The following ANK2 variants were observed in gnomAD, a reference collection of about 807,000 sequenced individuals.
ANK2 encodes the protein ankyrin 2.
A neutral mutation model predicts 360.5 loss-of-function variants in ANK2; 83 were observed. The ratio of observed to expected loss-of-function variants is 0.23; its 90% confidence interval spans 0.19 to 0.28. The LOEUF (loss-of-function observed/expected upper bound fraction) is 0.28, where lower values mean the gene tolerates loss of function less well. Among genes scored for constraint, ANK2 ranks in the 10% least tolerant of loss-of-function variants. The probability of loss-of-function intolerance (pLI) is 1.00; values close to 1 mark genes in which losing one functional copy is unlikely to be tolerated. For synonymous variants in ANK2, 1,740 were observed against 1,759.5 expected (o/e 0.99, Z 0.28); for missense variants, 4,201 against 4,795.7 (o/e 0.88, Z 3.66).
At chr4:112,972,973 G>A (rs965817805) in intron 2 of ANK2, among the ~76,000 whole-genome samples, 6 of 152,116 alleles carry the variant, frequency 3.9e-5, no homozygotes, top group African/African-American at 1.4e-4. Context: ...AAGCTATGAG[G>A]ATGCAAAGGC....
intron 2 of ANK2, among the ~76,000 whole-genome samples, chr4:112,942,632 A>G (rs2094309272): frequency 6.6e-6 from 1 of 151,986 alleles, no homozygotes; most frequent in South Asian, 2.1e-4. Flanking sequence ...TATGTGAAAT[A>G]TTTATTGGGA....
At chr4:113,152,065 CA>C (rs1232657248) in intron 1 of ANK2, among the ~76,000 whole-genome samples, 6 of 62,268 alleles carry the variant, frequency 9.6e-5, no homozygotes, top group East Asian at 1.2e-3. Flanking sequence ...GTCTCTGTCT[CA>C]AAAAAAAAAA....
At chr4:113,190,366 TC>T (rs2098638749) in intron 2 of ANK2, among the ~76,000 whole-genome samples, 1 of 152,068 alleles carries the variant, frequency 6.6e-6, no homozygotes, top group African/African-American at 2.4e-5. Flanking sequence ...CGCCTCGGCC[TC>T]CCAAAGTGCT....
intron 1 of ANK2, among the ~76,000 whole-genome samples, chr4:113,161,964 A>G (rs1031249184): frequency 6.6e-6 from 1 of 152,094 alleles, no homozygotes; most frequent in Admixed American, 6.6e-5. Context: ...TCTTTAGTCC[A>G]TGCCCGTCTC....
intron 4 of ANK2, among the ~76,000 whole-genome samples, chr4:113,202,396 CT>C (rs1374567115): frequency 6.6e-6 from 1 of 152,078 alleles, no homozygotes; most frequent in Non-Finnish European, 1.5e-5. Flanking sequence ...CAATCTCTTC[CT>C]TTTGAGAACC....
intron 1 of ANK2, chr4:113,117,160 TGA>T: frequency 2.6e-6 from 1 of 386,620 alleles, no homozygotes; most frequent in East Asian, 7.2e-5. Flanking sequence ...GATTATCTTG[TGA>T]GTGTTCTGGC....
rs1193998127 is a variant in ANK2, at chr4:113,382,938, C to T, written c.*1467C>T. On this transcript the variant is annotated 3_prime_UTR_variant, in exon 46 of 46. Transcript: ENST00000357077. Reference sequence around the variant, plus strand: ...CTGTTTGTTTGTCTCAAAGAAGGGACTGTAACAATCTGAGTAATTTCCATG... The same window carrying T: ...CTGTTTGTTTGTCTCAAAGAAGGGATTGTAACAATCTGAGTAATTTCCATG... The T allele has an allele frequency of 6.6e-6, 1 of 152,602 alleles. No homozygotes were observed. The highest frequency in any genetic ancestry group is 1.5e-5 in the Non-Finnish European group (1 of 68,032). The allele number at this position is 152,602 out of a possible 1,614,324, so 9.5% of individuals were successfully genotyped here. A position where few individuals can be genotyped will look rare whatever the true frequency, so the allele number is the denominator to read the frequency against.
At chr4:112,740,106 G>A in the ANK2 span, among the ~76,000 whole-genome samples, 1 of 151,768 alleles carries the variant, frequency 6.6e-6, no homozygotes, top group African/African-American at 2.4e-5. Context: ...CTTTCTAAAT[G>A]TGGTTAGCTA....
At chr4:113,256,397 G>A (rs541064995) in intron 11 of ANK2, among the ~76,000 whole-genome samples, 70 of 152,224 alleles carry the variant, frequency 4.6e-4, no homozygotes, top group African/African-American at 1.7e-3. Context: ...GAGTTCAATT[G>A]AAAATTTTCA....
intron 2 of ANK2, among the ~76,000 whole-genome samples, chr4:112,989,939 A>G (rs1381287703): frequency 2.0e-5 from 3 of 152,194 alleles, no homozygotes; most frequent in Non-Finnish European, 4.4e-5. Context: ...TGAAATTGTG[A>G]TACTGTAGCA....
At chr4:113,066,424 T>C (rs2075636602) in intron 1 of ANK2, among the ~76,000 whole-genome samples, 1 of 152,144 alleles carries the variant, frequency 6.6e-6, no homozygotes, top group African/African-American at 2.4e-5. Flanking sequence ...CCGTGCCAAA[T>C]ACAAGATACA....
chr4:113,272,622 C>A (rs965972208), intron 14 of ANK2, among the ~76,000 whole-genome samples: 16 of 149,558 alleles, frequency 1.1e-4, no homozygotes, highest in African/African-American at 3.4e-4. Flanking sequence ...TATTTTTTAA[C>A]TTTTTTTTTT....
At chr4:112,930,601 T>G (rs181914486) in intron 2 of ANK2, among the ~76,000 whole-genome samples, 3 of 151,800 alleles carry the variant, frequency 2.0e-5, no homozygotes, top group Non-Finnish European at 4.4e-5. Context: ...AGACTTAAAG[T>G]GATGACGCCG....
At chr4:113,219,169 T>C (rs185682200) in intron 4 of ANK2, among the ~76,000 whole-genome samples, 1 of 152,250 alleles carries the variant, frequency 6.6e-6, no homozygotes, top group Admixed American at 6.5e-5. Flanking sequence ...AAGATCTGAA[T>C]CTAGTAATCT....
At position 113,357,204 on chromosome 4, in the gene ANK2, T is replaced by G. The variant is rs771705361; in HGVS notation, c.8586T>G (p.Asp2862Glu). 1 of 1,614,084 alleles carries G rather than the reference T, an allele frequency of 6.2e-7. No homozygotes were observed. The highest frequency in any genetic ancestry group is 8.5e-7 in the Non-Finnish European group (1 of 1,179,978). The change falls in exon 38 of 46, where the codon GAT (aspartate) becomes GAG (glutamate). Residue 2862 changes from aspartate (D) to glutamate (E), a missense_variant. Asp to Glu is a conservative substitution (Grantham distance 45, BLOSUM62 2). Coordinates refer to ENST00000357077, the MANE Select transcript of ANK2 (RefSeq NM_001148.6). ...HCLVSEGKEL[D>E]EDISATSSIQ... Reference sequence around the variant, plus strand: ...TGGTATCTGAAGGAAAAGAATTAGATGAAGACATATCTGCCACATCTTCTA... The same window carrying G: ...TGGTATCTGAAGGAAAAGAATTAGAGGAAGACATATCTGCCACATCTTCTA...
chr4:113,046,707 C>G (rs980865772), upstream of ANK2, among the ~76,000 whole-genome samples: 1 of 152,024 alleles, frequency 6.6e-6, no homozygotes, highest in Non-Finnish European at 1.5e-5. Flanking sequence ...TAAATTACCT[C>G]GTCTCAGGTA....
At chr4:113,125,148 A>G (rs1001361239) in intron 1 of ANK2, among the ~76,000 whole-genome samples, 1 of 152,176 alleles carries the variant, frequency 6.6e-6, no homozygotes. Flanking sequence ...TTGTCTGTAA[A>G]AAAAGCCTTC....
intron 1 of ANK2, among the ~76,000 whole-genome samples, chr4:112,848,101 A>C (rs112680705): frequency 6.6e-6 from 1 of 152,174 alleles, no homozygotes; most frequent in African/African-American, 2.4e-5. Flanking sequence ...TCCTCATCAG[A>C]AAAATCAATT....
At chr4:112,719,446 C>T in the ANK2 span, among the ~76,000 whole-genome samples, 9 of 151,910 alleles carry the variant, frequency 5.9e-5, no homozygotes, top group Admixed American at 2.6e-4. Context: ...AGGTATAATT[C>T]GGCCGGGCAC....
Sources: gnomAD v4.1 joint callset for allele counts (sites outside exome capture counted in the v4.1 genomes callset) on GRCh38, gnomAD v4.1.1 for gene constraint, MANE v1.5 for transcripts, NCBI Gene and HGNC (gene_info 2026-07-23, HGNC 2026-07-21) for gene names.